The following ODAD3 variants were observed in gnomAD, a reference collection of about 807,000 sequenced individuals.
The protein encoded by ODAD3 is outer dynein arm docking complex subunit 3.
A neutral mutation model predicts 70.9 loss-of-function variants in ODAD3; 57 were observed. That is an observed-to-expected ratio of 0.80 (90% CI 0.65 to 1.00). The LOEUF is 1.00. Among genes scored for constraint, ODAD3 ranks in the 50% least tolerant of loss-of-function variants. The probability of loss-of-function intolerance (pLI) is 0.00; values close to 1 mark genes in which losing one functional copy is unlikely to be tolerated. For missense variants in ODAD3, 797 were observed against 763.9 expected, an observed-to-expected ratio of 1.04 and a Z score of -0.51; for synonymous variants, 327 against 315.9, an observed-to-expected ratio of 1.04 and a Z score of -0.37.
In ODAD3 at chr19:11,422,873, C is replaced by T. The variant is rs1430393674; in HGVS notation, c.1117-12G>A. ...CGCCGCACCAACGACTGCGGGCCAC[C>T]CAGCCCCAGTCAGAGCCAGGGCCTA... On this transcript the variant is annotated splice_polypyrimidine_tract_variant and intron_variant, in intron 8 of 12. Transcript: ENST00000356392. The surrounding 1 kb of genome is among the most constrained non-coding windows in gnomAD (Gnocchi z 4.6). 2.5e-6 allele frequency: 4 copies of T among 1,600,332 alleles called. No individual in the cohort carries two copies. The Admixed American group carries it at 6.7e-5, about 27-fold the overall frequency.
rs890973205 is a variant in ODAD3 at position 11,422,148 on chromosome 19, C to T, written c.1435-316G>A. Among the ~76,000 whole-genome samples, 4 of 152,236 alleles carry T rather than the reference C, an allele frequency of 2.6e-5. No homozygotes were observed. The highest frequency in any genetic ancestry group is 5.9e-5 in the Non-Finnish European group (4 of 68,030). ...GGCAGGATAGGTCTTCTGTCTCGGGCTGCTCCAGAACTGCAGATAGGTCTC... is the reference window on the plus strand; with the variant it reads ...GGCAGGATAGGTCTTCTGTCTCGGGTTGCTCCAGAACTGCAGATAGGTCTC... On this transcript the variant is annotated intron_variant, in intron 10 of 12. Coordinates refer to ENST00000356392, the MANE Select transcript of ODAD3 (RefSeq NM_145045.5). This position sits in a 1 kb window ranked among gnomAD's most constrained non-coding sequence, Gnocchi z 4.6.
rs775961256 is a variant in ODAD3, at chr19:11,422,792, C to T, written c.1186G>A (p.Glu396Lys). Residue 396 changes from glutamate (E) to lysine (K), a missense_variant, in exon 9 of 13, where the codon GAG (glutamate) becomes AAG (lysine). Transcript: ENST00000356392. The surrounding 1 kb of genome is among the most constrained non-coding windows in gnomAD (Gnocchi z 4.6). ...AQLETLKSEN[E>K]QTLVRLKQEK... ...TGCTTCAGCCTCACCAACGTCTGCT[C>T]GTTCTCGCTCTTGAGCGTCTCCAAC... 2 of 1,610,698 alleles carry T rather than the reference C, an allele frequency of 1.2e-6. No homozygotes were observed. Among genetic ancestry groups the T allele is most frequent in the East Asian group, 2.2e-5 (1 of 44,878 alleles).
chr19:11,428,947 G>A (rs573757784), intron 3 of ODAD3, among the ~76,000 whole-genome samples: 2 of 151,306 alleles, frequency 1.3e-5, no homozygotes, highest in African/African-American at 4.9e-5. Context: ...GCATGATCTC[G>A]GCTCACAGCA....
rs755298346 is a variant in ODAD3, at chr19:11,422,465, G to T, written c.1434+6C>A. 1 of 1,579,266 alleles carries T rather than the reference G, an allele frequency of 6.3e-7. No homozygotes were observed. Among genetic ancestry groups the T allele is most frequent in the Admixed American group, 1.8e-5 (1 of 55,630 alleles). On this transcript the variant is annotated splice_donor_region_variant and intron_variant, in intron 10 of 12. Transcript: ENST00000356392. This position sits in a 1 kb window ranked among gnomAD's most constrained non-coding sequence, Gnocchi z 4.6. ...CCTGTCGGGGCTTCCCCTGGGCGGG[G>T]CCTACCACAGTGATGTGGATCAGCT...
chr19:11,429,936 C>G (rs932200075), intron 3 of ODAD3, among the ~76,000 whole-genome samples: 3 of 150,486 alleles, frequency 2.0e-5, no homozygotes, highest in Non-Finnish European at 4.4e-5. Context: ...CTTCTAGGCT[C>G]ATGCAATCCT....
At chr19:11,426,016 T>A (rs1599461285) in intron 7 of ODAD3, 128 bp downstream of exon 7, 2 of 1,209,896 alleles carry the variant, frequency 1.7e-6, no homozygotes, top group African/African-American at 2.0e-5. Context: ...GGGGGTGGAG[T>A]CAGAGAGGGG....
intron 3 of ODAD3, among the ~76,000 whole-genome samples, chr19:11,428,394 A>G (rs1015330398): frequency 2.6e-5 from 4 of 151,908 alleles, no homozygotes; most frequent in African/African-American, 9.7e-5. Flanking sequence ...GATGCATGCC[A>G]CGACGCCTGG....
rs1173373661 is a variant in ODAD3 at position 11,434,922 on chromosome 19, G to A, written c.95C>T (p.Ala32Val). 1.9e-6 allele frequency: 3 copies of A among 1,614,090 alleles called. No individual in the cohort carries two copies. The highest frequency in any genetic ancestry group is 2.2e-5 in the South Asian group (2 of 91,090). Residue 32 changes from alanine (A) to valine (V), a missense_variant, in exon 1 of 13, where the codon GCT becomes GTT. Physicochemically the swap from Ala to Val is moderately conservative, Grantham distance 64. Transcript: ENST00000356392. ...TPSSRVKGRE[A>V]SGKPSHLRGK... ...TCGGAGGTGGCTGGGTTTGCCCGAAGCCTCCCTGCCCTTGACCCTGGAAGA... is the reference window on the plus strand; with the variant it reads ...TCGGAGGTGGCTGGGTTTGCCCGAAACCTCCCTGCCCTTGACCCTGGAAGA...
chr19:11,420,770 C>T lies in ODAD3; in HGVS notation c.*65G>A. 2 of 1,448,290 alleles carry T rather than the reference C, an allele frequency of 1.4e-6. No homozygotes were observed. The highest frequency in any genetic ancestry group is 1.9e-6 in the Non-Finnish European group (2 of 1,033,014). 89.7% of individuals were successfully genotyped at this position (1,448,290 alleles called of 1,614,324 possible). A position where few individuals can be genotyped will look rare whatever the true frequency, so the allele number is the denominator to read the frequency against. ...CAGCCCCTGAAGGGGCCCCGTGGGG[C>T]CTGCGCTAGACCCGGAGGGATCGGG... On this transcript the variant is annotated 3_prime_UTR_variant, in exon 13 of 13. Coordinates refer to ENST00000356392, the MANE Select transcript of ODAD3 (RefSeq NM_145045.5).
At chr19:11,430,176 TGCCCAG>T (rs1969473733) in intron 3 of ODAD3, among the ~76,000 whole-genome samples, 1 of 152,076 alleles carries the variant, frequency 6.6e-6, no homozygotes, top group Non-Finnish European at 1.5e-5. Context: ...TCGCTCTTGT[TGCCCAG>T]GCTGGAGTGT....
In ODAD3 at chr19:11,434,782, G is replaced by GT. The variant is rs1568356541; in HGVS notation, c.234dup (p.Gln79ThrfsTer6). On this transcript the variant is annotated frameshift_variant, in exon 1 of 13. Transcript: ENST00000356392. LOFTEE classifies it high-confidence loss of function. ...TCTGGAGCCATCTTACCTAACAGTTGTATCTTTTTATGTAACTCAGCCACC... is the reference window on the plus strand; with the variant it reads ...TCTGGAGCCATCTTACCTAACAGTTGTTATCTTTTTATGTAACTCAGCCACC... 1 of 1,612,362 alleles carries GT rather than the reference G, an allele frequency of 6.2e-7. No individual in the cohort carries two copies. Among genetic ancestry groups the GT allele is most frequent in the South Asian group, 1.1e-5 (1 of 90,996 alleles).
At chr19:11,420,987 T>C in intron 12 of ODAD3, 40 bp from the exon 13 acceptor site, 1 of 1,591,444 alleles carries the variant, frequency 6.3e-7, no homozygotes, top group Non-Finnish European at 8.6e-7. Context: ...CGATGTGGGA[T>C]CCAGGTCCCC....
rs988872000 is a variant in ODAD3, at chr19:11,435,114, A to T, written c.-98T>A. 24 of 1,490,172 alleles carry T rather than the reference A, an allele frequency of 1.6e-5. No individual in the cohort carries two copies. In the African/African-American group the frequency reaches 3.2e-4, roughly 20 times the overall value. The allele number at this position is 1,490,172 out of a possible 1,614,324, so 92.3% of individuals were successfully genotyped here. ...GTCAGCTCGGATTCCTAGGGCTCTGAAAAATGCACTTTCCGACCGCTAGGT... is the reference window on the plus strand; with the variant it reads ...GTCAGCTCGGATTCCTAGGGCTCTGTAAAATGCACTTTCCGACCGCTAGGT... On this transcript the variant is annotated 5_prime_UTR_variant, in exon 1 of 13. Transcript: ENST00000356392.
intron 7 of ODAD3, 62 bp downstream of exon 7, chr19:11,426,082 G>T: frequency 6.4e-7 from 1 of 1,567,780 alleles, no homozygotes; most frequent in South Asian, 1.1e-5. Flanking sequence ...GAGAGCCAGG[G>T]CATGGCTGGT....
chr19:11,426,988 G>C lies in ODAD3; in HGVS notation c.497C>G (p.Ala166Gly). ...CCGCAACACCACCTGGTGCCGCAGG[G>C]CGTTCTGCTGCTTCACCTTCTCCCT... ...RLREKVKQQNALRHQVVLRQR... is the reference protein window; with the variant it reads ...RLREKVKQQNGLRHQVVLRQR... The change falls in exon 4 of 13, where the codon GCC (alanine) becomes GGC (glycine). Residue 166 changes from alanine to glycine, a missense_variant. By Grantham distance (60) the Ala-to-Gly change is moderately conservative (BLOSUM62 0). Transcript: ENST00000356392. 6.2e-7 allele frequency: 1 copy of C among 1,605,356 alleles called. No individual in the cohort carries two copies. Among genetic ancestry groups the C allele is most frequent in the Non-Finnish European group, 8.5e-7 (1 of 1,179,386 alleles).
rs924136507 is a variant in ODAD3 at position 11,430,640 on chromosome 19, C to T, written c.444+59G>A. The T allele has an allele frequency of 8.5e-6, 13 of 1,534,936 alleles. No individual in the cohort carries two copies. In the African/African-American group the frequency reaches 1.6e-4, roughly 19 times the overall value. ...GATTGGAGAGGGTGAGCCTGGAGTC[C>T]AGTGGTGAGGGGACCCAGGCTGGAA... On this transcript the variant is annotated intron_variant, in intron 3 of 12. Transcript: ENST00000356392.
chr19:11,425,269 A>G (rs1278235227), intron 7 of ODAD3, among the ~76,000 whole-genome samples: 3 of 140,446 alleles, frequency 2.1e-5, no homozygotes, highest in South Asian at 2.2e-4. Flanking sequence ...ACATATGTGT[A>G]TATGTGTGTA....
At chr19:11,435,621 G>A, upstream of ODAD3, 2 of 1,194,302 alleles carry the variant, frequency 1.7e-6, no homozygotes, top group South Asian at 2.5e-5. Flanking sequence ...ACGGGGTCCA[G>A]AAATTTCCGC....
In ODAD3 at chr19:11,422,447, G is replaced by A; in HGVS notation, c.1434+24C>T. The stretch of plus-strand genomic sequence containing the variant: ...TCTGCGGTCCCAGGAGGGCCTGTCG[G>A]GGCTTCCCCTGGGCGGGGCCTACCA... On this transcript the variant is annotated intron_variant, in intron 10 of 12. Coordinates refer to ENST00000356392, the MANE Select transcript of ODAD3 (RefSeq NM_145045.5). This position sits in a 1 kb window ranked among gnomAD's most constrained non-coding sequence, Gnocchi z 4.6. The A allele has an allele frequency of 6.5e-7, 1 of 1,544,672 alleles. No homozygotes were observed. Among genetic ancestry groups the A allele is most frequent in the Non-Finnish European group, 8.7e-7 (1 of 1,143,328 alleles).
Sources: gnomAD v4.1 joint callset for allele counts (sites outside exome capture counted in the v4.1 genomes callset) on GRCh38, gnomAD v4.1.1 for gene constraint, Gnocchi (gnomAD v3.1) non-coding constraint, MANE v1.5 for transcripts, NCBI Gene and HGNC (gene_info 2026-07-23, HGNC 2026-07-21) for gene names.